Variants in PACRG observed in about 807,000 individuals in gnomAD.
The protein encoded by PACRG is parkin coregulated gene protein.
In PACRG, 29 loss-of-function variants were observed where a neutral mutation model predicts 29.7. The ratio of observed to expected loss-of-function variants is 0.98; its 90% CI spans 0.73 to 1.33. The LOEUF is 1.33. Ranked by LOEUF, PACRG falls within the 40% of genes most tolerant of loss-of-function variation. The probability of loss-of-function intolerance (pLI) is 0.00; values close to 1 mark genes in which losing one functional copy is unlikely to be tolerated. For synonymous variants in PACRG, 116 were observed against 118.7 expected (o/e 0.98, Z 0.15); for missense variants, 279 against 316.2 (o/e 0.88, Z 0.89).
intron 2 of PACRG, among the ~76,000 whole-genome samples, chr6:162,903,135 T>G (rs1795672932): frequency 6.6e-6 from 1 of 152,158 alleles, no homozygotes; most frequent in Admixed American, 6.5e-5. Context: ...GGAATCAGAT[T>G]AAGGTGAATT....
At chr6:163,043,381 C>A (rs1808952871) in intron 2 of PACRG, among the ~76,000 whole-genome samples, 1 of 152,094 alleles carries the variant, frequency 6.6e-6, no homozygotes, top group Admixed American at 6.5e-5. Flanking sequence ...CATGACAAAA[C>A]CCCATCTCTA....
intron 1 of PACRG, among the ~76,000 whole-genome samples, chr6:162,756,318 G>A (rs1320008924): frequency 6.6e-6 from 1 of 152,030 alleles, no homozygotes; most frequent in African/African-American, 2.4e-5. Context: ...GTATATAGGT[G>A]CTCTAATATT....
At chr6:163,273,576 T>G (rs1026739884) in intron 4 of PACRG, among the ~76,000 whole-genome samples, 1 of 152,168 alleles carries the variant, frequency 6.6e-6, no homozygotes, top group African/African-American at 2.4e-5. Flanking sequence ...TCCTAAAAAT[T>G]TCTTCAATTT....
intron 2 of PACRG, among the ~76,000 whole-genome samples, chr6:162,823,964 G>A (rs1788061820): frequency 6.6e-6 from 1 of 152,104 alleles, no homozygotes; most frequent in Admixed American, 6.5e-5. Context: ...TATTCTGTTG[G>A]CCTAAAAGGG....
chr6:163,314,802 C>T (rs1281960852), intron 4 of PACRG, 25 bp from the exon 5 acceptor site: 1 of 1,608,542 alleles, frequency 6.2e-7, no homozygotes, highest in South Asian at 1.1e-5. Flanking sequence ...AGTAACTGGC[C>T]TCTTTGTGTG....
intron 1 of PACRG, among the ~76,000 whole-genome samples, chr6:162,756,634 A>G (rs1472422545): frequency 6.6e-6 from 1 of 152,078 alleles, no homozygotes; most frequent in Non-Finnish European, 1.5e-5. Context: ...AATTTAATCC[A>G]TTTACATTTA....
chr6:162,727,344 T>TGAGGGG, upstream of PACRG: 3 of 293,814 alleles, frequency 1.0e-5, no homozygotes, highest in Non-Finnish European at 1.8e-5. Context: ...GGAGAAGGCT[T>TGAGGGG]CGGGACCCCA....
chr6:163,158,554 G>A (rs6932546), intron 4 of PACRG, among the ~76,000 whole-genome samples: 24,605 of 152,138 alleles, frequency 0.16, 2,097 homozygotes, highest in Middle Eastern at 0.23. Context: ...ACAGCAAGCC[G>A]GGTAGTTATT....
chr6:163,131,199 T>TCGGGAGGCTGAGG (rs1486814933), intron 4 of PACRG, among the ~76,000 whole-genome samples: 3 of 151,662 alleles, frequency 2.0e-5, no homozygotes, highest in African/African-American at 7.3e-5. Flanking sequence ...TCCCAGCTAC[T>TCGGGAGGCTGAGG]CGGGAGGCTG....
At chr6:163,265,130 G>A (rs1312183758) in intron 4 of PACRG, among the ~76,000 whole-genome samples, 2 of 152,202 alleles carry the variant, frequency 1.3e-5, no homozygotes, top group Non-Finnish European at 2.9e-5. Context: ...ATGCATGAAC[G>A]AATGAATGCA....
chr6:163,011,039 G>A (rs966112648), intron 2 of PACRG, among the ~76,000 whole-genome samples: 2 of 151,956 alleles, frequency 1.3e-5, no homozygotes, highest in African/African-American at 4.8e-5. Context: ...GGGAGAAGCT[G>A]TGCCAGATTT....
chr6:162,757,020 A>G (rs1387914888), intron 1 of PACRG, among the ~76,000 whole-genome samples: 5 of 151,684 alleles, frequency 3.3e-5, no homozygotes, highest in African/African-American at 7.3e-5. Context: ...CTATTTTTCT[A>G]TTTCTGCAAC....
intron 4 of PACRG, among the ~76,000 whole-genome samples, chr6:163,308,512 A>G (rs1265725068): frequency 2.6e-5 from 4 of 152,104 alleles, no homozygotes; most frequent in Non-Finnish European, 5.9e-5. Context: ...CTAAAAATAC[A>G]AAAATTAGCT....
intron 1 of PACRG, among the ~76,000 whole-genome samples, chr6:162,761,825 T>A (rs1782381611): frequency 1.3e-5 from 2 of 151,518 alleles, no homozygotes; most frequent in Non-Finnish European, 2.9e-5. Flanking sequence ...TAATCCCAGC[T>A]TCTCGAGAGG....
At chr6:163,211,183 A>G (rs560451851) in intron 4 of PACRG, among the ~76,000 whole-genome samples, 1 of 152,260 alleles carries the variant, frequency 6.6e-6, no homozygotes, top group African/African-American at 2.4e-5. Context: ...CAGAGTTAGC[A>G]ATTCTCCTCC....
At chr6:162,909,168 C>A (rs975017303) in intron 2 of PACRG, among the ~76,000 whole-genome samples, 5 of 152,186 alleles carry the variant, frequency 3.3e-5, no homozygotes, top group Admixed American at 3.3e-4. Flanking sequence ...CTACTTTCCA[C>A]TTCACAAGCC....
chr6:163,173,602 G>A (rs1236532009), intron 4 of PACRG, among the ~76,000 whole-genome samples: 2 of 152,152 alleles, frequency 1.3e-5, no homozygotes, highest in Non-Finnish European at 2.9e-5. Flanking sequence ...AGAGAATCAC[G>A]CTCTCCGCTC....
chr6:163,022,296 G>A (rs1806706411), intron 2 of PACRG, among the ~76,000 whole-genome samples: 1 of 152,232 alleles, frequency 6.6e-6, no homozygotes, highest in Non-Finnish European at 1.5e-5. Context: ...TCTAAAAACA[G>A]CTAAACACAT....
At chr6:162,848,624 A>G (rs1337839118) in intron 2 of PACRG, among the ~76,000 whole-genome samples, 3 of 152,226 alleles carry the variant, frequency 2.0e-5, no homozygotes, top group African/African-American at 7.2e-5. Context: ...GCCCATTTTT[A>G]TGAAGAAGAG....
Sources: allele counts gnomAD v4.1 joint callset (sites outside exome capture counted in the v4.1 genomes callset), GRCh38; gene constraint gnomAD v4.1.1; transcripts MANE v1.5; gene names NCBI Gene and HGNC (gene_info 2026-07-23, HGNC 2026-07-21).